The following WDR19 variants were observed in gnomAD, a reference collection of about 807,000 sequenced individuals.
WDR19 encodes WD repeat domain 19, also known as WD repeat-containing protein 19.
A neutral mutation model predicts 180.0 loss-of-function variants in WDR19; 121 were observed. That is an observed-to-expected ratio of 0.67 (90% CI 0.58 to 0.78). WDR19 has a LOEUF of 0.78. WDR19 is among the 30% of genes least tolerant of loss of function. The pLI is 0.00. For synonymous variants in WDR19, 497 were observed against 540.7 expected (o/e 0.92, Z 1.12); for missense variants, 1,450 against 1,640.7 (o/e 0.88, Z 2.01).
At position 39,253,202 on chromosome 4, in the gene WDR19, G is replaced by T; in HGVS notation, c.2786G>T (p.Arg929Leu). 1 of 1,613,106 alleles carries T rather than the reference G, an allele frequency of 6.2e-7. No individual in the cohort carries two copies. Among genetic ancestry groups the T allele is most frequent in the Middle Eastern group, 1.7e-4 (1 of 6,058 alleles). Reference protein sequence around the residue: ...ENAKQWQSVIRIYLDHLNNPE... With the variant: ...ENAKQWQSVILIYLDHLNNPE... ...GCAAAACAGTGGCAAAGTGTAATCC[G>T]CATCTATCTGGATCACCTCAATAAT... Residue 929 changes from arginine to leucine, a missense_variant, in exon 25 of 37, where the codon CGC becomes CTC. Coordinates refer to ENST00000399820, the MANE Select transcript of WDR19 (RefSeq NM_025132.4).
At chr4:39,192,618 C>T (rs12647634) in intron 4 of WDR19, among the ~76,000 whole-genome samples, 13,839 of 152,092 alleles carry the variant, frequency 0.091, 835 homozygotes, top group East Asian at 0.2. Flanking sequence ...CCCACCACCA[C>T]GCCCAGCTAA....
chr4:39,198,156 C>A (rs1277631727), intron 5 of WDR19, among the ~76,000 whole-genome samples: 1 of 152,054 alleles, frequency 6.6e-6, no homozygotes, highest in Non-Finnish European at 1.5e-5. Flanking sequence ...TTTAGTTATA[C>A]CTGAACAGTT....
At chr4:39,257,122 C>T (rs11096986) in intron 27 of WDR19, among the ~76,000 whole-genome samples, 51,678 of 152,042 alleles carry the variant, frequency 0.34, 8,941 homozygotes, top group African/African-American at 0.39. Context: ...CGTGCCATAC[C>T]ATTCCTGGTA....
intron 7 of WDR19, among the ~76,000 whole-genome samples, chr4:39,203,933 G>A (rs1727631648): frequency 6.6e-6 from 1 of 152,164 alleles, no homozygotes; most frequent in Non-Finnish European, 1.5e-5. Context: ...ACAGCTTTCT[G>A]TTACAATTGG....
intron 14 of WDR19, among the ~76,000 whole-genome samples, chr4:39,222,269 T>C (rs1457036532): frequency 1.3e-5 from 2 of 152,230 alleles, no homozygotes; most frequent in African/African-American, 2.4e-5. Context: ...TGAGTTGTTT[T>C]CTTATTGATT....
intron 33 of WDR19, among the ~76,000 whole-genome samples, chr4:39,276,688 G>A (rs574815318): frequency 6.6e-6 from 1 of 152,264 alleles, no homozygotes; most frequent in Admixed American, 6.5e-5. Flanking sequence ...GGGAGAGACA[G>A]AGGGAAAATA....
chr4:39,214,726 A>G, intron 10 of WDR19, 55 bp downstream of exon 10: 1 of 1,145,458 alleles, frequency 8.7e-7, no homozygotes. Context: ...ACAGAGAGTA[A>G]GGTTGTGTTT....
chr4:39,222,971 A>C (rs1729851836), intron 14 of WDR19, among the ~76,000 whole-genome samples: 1 of 152,192 alleles, frequency 6.6e-6, no homozygotes, highest in African/African-American at 2.4e-5. Context: ...AACAGTATGC[A>C]ATATTTTGAG....
intron 5 of WDR19, 34 bp from the exon 6 acceptor site, chr4:39,199,444 C>T: frequency 1.9e-6 from 3 of 1,547,974 alleles, no homozygotes; most frequent in Middle Eastern, 1.8e-4. Flanking sequence ...TTTGAGAAAT[C>T]CACATGTCTG....
intron 36 of WDR19, among the ~76,000 whole-genome samples, chr4:39,280,105 T>G (rs1291208051): frequency 7.0e-6 from 1 of 141,998 alleles, no homozygotes; most frequent in South Asian, 2.3e-4. Flanking sequence ...TTGTGGGTTT[T>G]TTTCCCTTTT....
chr4:39,220,219 G>A (rs1276295563), intron 14 of WDR19, among the ~76,000 whole-genome samples: 2 of 151,954 alleles, frequency 1.3e-5, no homozygotes. Context: ...GACCCCGTCT[G>A]AAAAGCAAAC....
intron 9 of WDR19, among the ~76,000 whole-genome samples, chr4:39,207,993 G>A (rs1003221404): frequency 3.9e-5 from 6 of 152,166 alleles, no homozygotes; most frequent in South Asian, 2.1e-4. Context: ...TTTTGTATGC[G>A]ATAAGACTTC....
chr4:39,224,127 G>C (rs969098693), intron 14 of WDR19, among the ~76,000 whole-genome samples: 1 of 152,094 alleles, frequency 6.6e-6, no homozygotes, highest in East Asian at 1.9e-4. Flanking sequence ...TTTTAATTTG[G>C]TATGTACATG....
chr4:39,227,148 G>T (rs182104899), intron 15 of WDR19, among the ~76,000 whole-genome samples: 1 of 152,236 alleles, frequency 6.6e-6, no homozygotes, highest in Admixed American at 6.5e-5. Flanking sequence ...GCACATTTCA[G>T]TGCTTAATAG....
intron 36 of WDR19, among the ~76,000 whole-genome samples, chr4:39,282,458 T>C (rs1367980454): frequency 6.6e-6 from 1 of 152,188 alleles, no homozygotes; most frequent in Non-Finnish European, 1.5e-5. Context: ...AGTGCAATGA[T>C]GCAATCTCAG....
At chr4:39,188,240 G>A (rs1275808347) in intron 3 of WDR19, among the ~76,000 whole-genome samples, 2 of 151,878 alleles carry the variant, frequency 1.3e-5, no homozygotes, top group East Asian at 3.8e-4. Flanking sequence ...ATACCAAGAT[G>A]AAAAATAACA....
chr4:39,245,893 T>G (rs1732469486), intron 24 of WDR19, among the ~76,000 whole-genome samples: 1 of 152,184 alleles, frequency 6.6e-6, no homozygotes. Flanking sequence ...TTGCTATATT[T>G]TAACCGTATT....
At chr4:39,207,877 G>A (rs1309376502) in intron 9 of WDR19, among the ~76,000 whole-genome samples, 2 of 152,030 alleles carry the variant, frequency 1.3e-5, no homozygotes, top group African/African-American at 4.8e-5. Context: ...TAACGTATAT[G>A]TGATGGTTTA....
At chr4:39,256,077 A>T (rs1733728687) in intron 27 of WDR19, 117 bp downstream of exon 27, 2 of 701,232 alleles carry the variant, frequency 2.9e-6, no homozygotes, top group East Asian at 2.8e-5. Flanking sequence ...TCCCACTCAG[A>T]TTTGAAATCT....
Sources: gnomAD v4.1 joint callset for allele counts (sites outside exome capture counted in the v4.1 genomes callset) on GRCh38, gnomAD v4.1.1 for gene constraint, MANE v1.5 for transcripts, NCBI Gene and HGNC (gene_info 2026-07-23, HGNC 2026-07-21) for gene names.